Variants in RIC8B observed in about 807,000 individuals in gnomAD.
RIC8B encodes chaperone Ric-8B.
In RIC8B, 16 loss-of-function variants were observed where a neutral mutation model predicts 57.5. The observed-to-expected ratio is 0.28, with a 90% confidence interval of 0.19 to 0.42. RIC8B has a LOEUF of 0.42. RIC8B is among the 10% of genes least tolerant of loss of function. The pLI, the probability that RIC8B is intolerant of heterozygous loss-of-function variation, is 1.00. For missense variants in RIC8B, 481 were observed against 677.0 expected, an observed-to-expected ratio of 0.71 and a Z score of 3.21; for synonymous variants, 216 against 250.8, an observed-to-expected ratio of 0.86 and a Z score of 1.31.
chr12:106,820,262 C>T (rs905582920), intron 3 of RIC8B, among the ~76,000 whole-genome samples: 3 of 152,080 alleles, frequency 2.0e-5, no homozygotes, highest in Non-Finnish European at 4.4e-5. Context: ...TAGATTCATG[C>T]CTCAGTGTTA....
chr12:106,846,151 A>G (rs961502124), intron 6 of RIC8B, among the ~76,000 whole-genome samples: 4 of 152,178 alleles, frequency 2.6e-5, no homozygotes, highest in Non-Finnish European at 5.9e-5. Context: ...CCTGTCACCT[A>G]AGCTCTAGAC....
chr12:106,827,773 A>C (rs1384462921), intron 4 of RIC8B, among the ~76,000 whole-genome samples: 1 of 152,216 alleles, frequency 6.6e-6, no homozygotes, highest in South Asian at 2.1e-4. Context: ...TTTTTTCGTA[A>C]TTAAGAGACA....
At chr12:106,872,762 G>A (rs1950497398) in intron 9 of RIC8B, among the ~76,000 whole-genome samples, 1 of 151,762 alleles carries the variant, frequency 6.6e-6, no homozygotes. Flanking sequence ...ACATTAGTGT[G>A]TTAGGACAGT....
chr12:106,848,835 A>G (rs1366777322), intron 6 of RIC8B, among the ~76,000 whole-genome samples: 1 of 152,162 alleles, frequency 6.6e-6, no homozygotes, highest in Non-Finnish European at 1.5e-5. Flanking sequence ...AATAGTGGTT[A>G]CCAGGGGCTG....
intron 9 of RIC8B, among the ~76,000 whole-genome samples, chr12:106,882,595 A>G (rs1002512037): frequency 6.6e-6 from 1 of 152,152 alleles, no homozygotes; most frequent in African/African-American, 2.4e-5. Flanking sequence ...AGCTTGCCCA[A>G]GATCACACAG....
chr12:106,804,331 C>T (rs2044899406), intron 2 of RIC8B, among the ~76,000 whole-genome samples: 1 of 152,100 alleles, frequency 6.6e-6, no homozygotes, highest in African/African-American at 2.4e-5. Context: ...TCTCCTGCCC[C>T]AGCCTCATGA....
chr12:106,850,530 T>G (rs184529592), intron 6 of RIC8B, among the ~76,000 whole-genome samples: 1 of 152,228 alleles, frequency 6.6e-6, no homozygotes, highest in Non-Finnish European at 1.5e-5. Context: ...ACTAAGAAAG[T>G]TTCATAAGCC....
At chr12:106,839,847 C>G (rs1034581287) in intron 4 of RIC8B, among the ~76,000 whole-genome samples, 1 of 152,062 alleles carries the variant, frequency 6.6e-6, no homozygotes, top group African/African-American at 2.4e-5. Flanking sequence ...GAGACCTTGT[C>G]TCTACTAAAA....
At chr12:106,802,387 G>C (rs1173760713) in intron 2 of RIC8B, among the ~76,000 whole-genome samples, 1 of 152,090 alleles carries the variant, frequency 6.6e-6, no homozygotes, top group Non-Finnish European at 1.5e-5. Context: ...ATTCAAGTGA[G>C]TATAATTCAA....
rs1000116359 is a variant in RIC8B at position 106,887,012 on chromosome 12, A to T, written c.*997A>T. 2 of 152,410 alleles carry T rather than the reference A, an allele frequency of 1.3e-5. No individual in the cohort carries two copies. The highest frequency in any genetic ancestry group is 2.1e-4 in the South Asian group (1 of 4,820). 9.4% of individuals were successfully genotyped at this position (152,410 alleles called of 1,614,324 possible). A position where few individuals can be genotyped will look rare whatever the true frequency, so the allele number is the denominator to read the frequency against. On this transcript the variant is annotated 3_prime_UTR_variant, in exon 10 of 10. Transcript: ENST00000392837. ...AGTTTAATAGTAACTTTATTTATTT[A>T]AAAAAAAGAAACACAATTAGTTACT...
intron 8 of RIC8B, among the ~76,000 whole-genome samples, chr12:106,862,471 C>T (rs1003816367): frequency 2.6e-5 from 4 of 152,024 alleles, no homozygotes; most frequent in Admixed American, 2.6e-4. Context: ...CCTTTGTACT[C>T]TGTGGAGCGA....
intron 3 of RIC8B, among the ~76,000 whole-genome samples, chr12:106,818,207 C>T (rs2045671743): frequency 6.6e-6 from 1 of 151,942 alleles, no homozygotes; most frequent in Non-Finnish European, 1.5e-5. Flanking sequence ...TGCTCTGTCG[C>T]CCAGGCTGGA....
intron 6 of RIC8B, among the ~76,000 whole-genome samples, chr12:106,846,330 C>T (rs2136439953): frequency 6.6e-6 from 1 of 152,276 alleles, no homozygotes; most frequent in African/African-American, 2.4e-5. Context: ...GTTCATTTAT[C>T]ACTACATAGA....
rs1235923509 is a variant in RIC8B, at chr12:106,886,183, G to A, written c.*168G>A. ...TTTAAGAGGTGACCCTGTGTTTTTT[G>A]TGATATTGAGGCATTCATACAGAGC... On this transcript the variant is annotated 3_prime_UTR_variant, in exon 10 of 10. Coordinates refer to ENST00000392837, the MANE Select transcript of RIC8B (RefSeq NM_001330145.2). 5.1e-6 allele frequency: 3 copies of A among 591,128 alleles called. No individual in the cohort carries two copies. Among genetic ancestry groups the A allele is most frequent in the Non-Finnish European group, 8.9e-6 (3 of 335,764 alleles). The allele number at this position is 591,128 out of a possible 1,614,324, so 36.6% of individuals were successfully genotyped here.
At chr12:106,816,339 T>C (rs1482967825) in intron 3 of RIC8B, among the ~76,000 whole-genome samples, 1 of 152,176 alleles carries the variant, frequency 6.6e-6, no homozygotes, top group Non-Finnish European at 1.5e-5. Context: ...TATGCAGACA[T>C]CTGAGTTTTA....
intron 9 of RIC8B, chr12:106,880,018 G>A (rs762598905): frequency 1.9e-5 from 17 of 904,616 alleles, no homozygotes; most frequent in East Asian, 2.4e-4. Flanking sequence ...CAGTATCTCC[G>A]TTTTACCATG....
chr12:106,775,474 G>T (rs1365460194), intron 1 of RIC8B: 10 of 399,620 alleles, frequency 2.5e-5, no homozygotes, highest in African/African-American at 1.0e-4. Context: ...TATTTGTATC[G>T]CATTAACAGC....
chr12:106,834,780 G>A (rs999921376), intron 4 of RIC8B, among the ~76,000 whole-genome samples: 21 of 151,822 alleles, frequency 1.4e-4, no homozygotes, highest in African/African-American at 4.6e-4. Flanking sequence ...TCAAGAGATC[G>A]AGACCATCCT....
chr12:106,870,806 T>A lies in RIC8B; in HGVS notation c.1452-17T>A. 1 of 1,491,040 alleles carries A rather than the reference T, an allele frequency of 6.7e-7. No homozygotes were observed. Among genetic ancestry groups the A allele is most frequent in the Non-Finnish European group, 8.9e-7 (1 of 1,118,948 alleles). The allele number at this position is 1,491,040 out of a possible 1,614,324, so 92.4% of individuals were successfully genotyped here. On this transcript the variant is annotated splice_polypyrimidine_tract_variant and intron_variant, in intron 8 of 9. Coordinates refer to ENST00000392837, the MANE Select transcript of RIC8B (RefSeq NM_001330145.2). ...TAATTTTAAAACATACAGCATAACT[T>A]TTTTTTCTTTTTGTAGCATTAATCT...
Sources: gnomAD v4.1 joint callset for allele counts (sites outside exome capture counted in the v4.1 genomes callset) on GRCh38, gnomAD v4.1.1 for gene constraint, MANE v1.5 for transcripts, NCBI Gene and HGNC (gene_info 2026-07-23, HGNC 2026-07-21) for gene names.